Variants in DMXL2 observed in about 807,000 individuals in gnomAD.
The protein encoded by DMXL2 is dmX-like protein 2.
Under a neutral mutation model 331.1 loss-of-function variants are expected in DMXL2, and 103 were observed. That is an observed-to-expected ratio of 0.31 (90% CI 0.27 to 0.37). The LOEUF is 0.37. Among genes scored for constraint, DMXL2 ranks in the 10% least tolerant of loss-of-function variants. The probability of loss-of-function intolerance (pLI) is 1.00; values close to 1 mark genes in which losing one functional copy is unlikely to be tolerated. For synonymous variants in DMXL2, 1,281 were observed against 1,252.1 expected (o/e 1.02, Z -0.49); for missense variants, 3,171 against 3,642.9 (o/e 0.87, Z 3.33).
intron 16 of DMXL2, among the ~76,000 whole-genome samples, chr15:51,506,450 C>CTTTT (rs531570148): frequency 1.1e-4 from 13 of 121,974 alleles, no homozygotes; most frequent in South Asian, 2.6e-4. Flanking sequence ...AGCAATTCTG[C>CTTTT]TTTTTTTTTT....
intron 15 of DMXL2, among the ~76,000 whole-genome samples, chr15:51,508,242 G>A (rs1479367598): frequency 6.6e-6 from 1 of 151,962 alleles, no homozygotes; most frequent in African/African-American, 2.4e-5. Flanking sequence ...CAGGTTGATG[G>A]GTGCAGCAAA....
intron 36 of DMXL2, 70 bp downstream of exon 36, chr15:51,458,436 A>G: frequency 6.6e-7 from 1 of 1,510,490 alleles, no homozygotes; most frequent in East Asian, 2.3e-5. Context: ...AATAATTCAA[A>G]TCATGTGCAT....
Position 51,491,602 on chromosome 15 carries a change from G to A in DMXL2, c.4929C>T (p.Asn1643=). ...CCTTTTCAATGCATCTTCGAAGCGT[G>A]TTAATGTTCCTCACCCACCATCCTA... ...MGIGWWVRNI[N]TLRRCIEKVA... The change falls in exon 20 of 44, where the codon AAC becomes AAT. Residue 1643 remains asparagine (N), a synonymous_variant. Transcript: ENST00000560891. 6.2e-7 allele frequency: 1 copy of A among 1,608,636 alleles called. No individual in the cohort carries two copies. Among genetic ancestry groups the A allele is most frequent in the South Asian group, 1.1e-5 (1 of 89,438 alleles).
intron 20 of DMXL2, among the ~76,000 whole-genome samples, 158 bp downstream of exon 20, chr15:51,491,420 G>A (rs1394228081): frequency 3.3e-5 from 5 of 151,286 alleles, no homozygotes; most frequent in South Asian, 2.1e-4. Flanking sequence ...CAGCCTAGGC[G>A]ACAAGAGCGA....
At chr15:51,525,972 G>C (rs1355638521) in intron 13 of DMXL2, among the ~76,000 whole-genome samples, 2 of 151,938 alleles carry the variant, frequency 1.3e-5, no homozygotes, top group East Asian at 1.9e-4. Context: ...GCTGGGGAGT[G>C]GTTACAGCAG....
rs2048309310 is a variant in DMXL2, at chr15:51,536,741, T to C, written c.1739A>G (p.His580Arg). 1 of 1,613,938 alleles carries C rather than the reference T, an allele frequency of 6.2e-7. No homozygotes were observed. ...ATKDSHHTLL[H>R]QEGMSVGSPH... ...ACTGCCTACAGACATCCCCTCCTGGTGTAACAGCGTGTGGTGAGAATCTTT... is the reference window on the plus strand; with the variant it reads ...ACTGCCTACAGACATCCCCTCCTGGCGTAACAGCGTGTGGTGAGAATCTTT... The change falls in exon 12 of 44, where the codon CAC (histidine) becomes CGC (arginine). Residue 580 changes from histidine (H) to arginine (R), a missense_variant. By Grantham distance (29) the His-to-Arg change is conservative (BLOSUM62 0). This residue lies in a region of DMXL2 where 1,674 missense variants were observed against 1,780.2 expected (regional missense o/e 0.94). Transcript: ENST00000560891.
chr15:51,545,435 A>T, intron 8 of DMXL2, 148 bp downstream of exon 8: 1 of 542,962 alleles, frequency 1.8e-6, no homozygotes, highest in Non-Finnish European at 3.1e-6. Flanking sequence ...GGAATAAATG[A>T]GTAGTCTTAC....
chr15:51,505,408 G>A (rs1397603223), intron 16 of DMXL2, among the ~76,000 whole-genome samples: 1 of 152,150 alleles, frequency 6.6e-6, no homozygotes, highest in Non-Finnish European at 1.5e-5. Flanking sequence ...AAAATCACAT[G>A]GTTCCTGTCC....
chr15:51,460,485 A>G lies in DMXL2; in HGVS notation c.7927-825T>C, dbSNP rs543161153. On this transcript the variant is annotated intron_variant, in intron 33 of 43. Coordinates refer to ENST00000560891, the MANE Select transcript of DMXL2 (RefSeq NM_001378457.1). The stretch of plus-strand genomic sequence containing the variant: ...GAATCTATTTGTCTTAACTAGCTGA[A>G]TTCACCAATCTGTTTCCCAAAAACT... 18 of 498,654 alleles carry G rather than the reference A, an allele frequency of 3.6e-5. No individual in the cohort carries two copies. In the South Asian group the frequency reaches 1.3e-3, roughly 36 times the overall value. 30.9% of individuals were successfully genotyped at this position (498,654 alleles called of 1,614,324 possible).
rs553517353 is a variant in DMXL2 at position 51,513,858 on chromosome 15, C to T, written c.2644+584G>A. Among the ~76,000 whole-genome samples, 8 of 152,124 alleles carry T rather than the reference C, an allele frequency of 5.3e-5. No individual in the cohort carries two copies. The East Asian group carries it at 9.7e-4, about 18-fold the overall frequency. ...TTAAAAAACTTAAATAAAAGTTTAA[C>T]GTCTGAAGGGAACATTTTAAGCTAA... On this transcript the variant is annotated intron_variant, in intron 15 of 43. Transcript: ENST00000560891.
intron 6 of DMXL2, among the ~76,000 whole-genome samples, chr15:51,551,004 T>C (rs1340952409): frequency 1.3e-5 from 2 of 151,998 alleles, no homozygotes; most frequent in Admixed American, 6.6e-5. Context: ...AACCCTGTCA[T>C]GTGTAGCAGA....
rs185240212 is a variant in DMXL2 at position 51,525,158 on chromosome 15, T to C, written c.2437-7991A>G. 3.9e-5 allele frequency among the ~76,000 whole-genome samples: 6 copies of C among 151,962 alleles called. No individual in the cohort carries two copies. In the East Asian group the frequency reaches 1.2e-3, roughly 30 times the overall value. ...AGACACACCCTGGGCCAGAAAGGAA[T>C]CCACTGCCATGAGGGGAAAGACCCC... is the stretch of plus-strand genomic sequence containing the variant. On this transcript the variant is annotated intron_variant, in intron 13 of 43. Transcript: ENST00000560891.
At chr15:51,486,581 TATC>T (rs1214072513) in intron 22 of DMXL2, among the ~76,000 whole-genome samples, 1 of 152,194 alleles carries the variant, frequency 6.6e-6, no homozygotes, top group Non-Finnish European at 1.5e-5. Context: ...AGTATATTAA[TATC>T]ATCTCAGACT....
At chr15:51,524,271 G>A (rs1273691083) in intron 13 of DMXL2, among the ~76,000 whole-genome samples, 1 of 152,176 alleles carries the variant, frequency 6.6e-6, no homozygotes, top group Non-Finnish European at 1.5e-5. Flanking sequence ...TCTCCTCTAG[G>A]TTTGTTAATT....
At chr15:51,621,976 C>CCCTA (rs2054661539) in intron 1 of DMXL2, among the ~76,000 whole-genome samples, 1 of 152,198 alleles carries the variant, frequency 6.6e-6, no homozygotes, top group African/African-American at 2.4e-5. Flanking sequence ...CTCCTCGCTG[C>CCCTA]CCTAGCACAG....
chr15:51,528,392 T>C (rs1025857126), intron 13 of DMXL2, among the ~76,000 whole-genome samples: 1 of 152,074 alleles, frequency 6.6e-6, no homozygotes, highest in African/African-American at 2.4e-5. Context: ...AGATATTCCA[T>C]GCCAATGGAA....
At chr15:51,455,262 C>T in intron 39 of DMXL2, 34 bp from the exon 40 acceptor site, 1 of 1,547,392 alleles carries the variant, frequency 6.5e-7, no homozygotes, top group Non-Finnish European at 8.9e-7. Context: ...AACACATGTT[C>T]TTAGCATCCA....
chr15:51,608,184 C>CA (rs11402503), intron 1 of DMXL2, among the ~76,000 whole-genome samples: 71,286 of 148,336 alleles, frequency 0.48, 17,179 homozygotes, highest in Non-Finnish European at 0.52. Flanking sequence ...GACTCAGTCT[C>CA]AAAAAAAAAA....
chr15:51,569,528 A>C (rs2050520333), intron 2 of DMXL2, among the ~76,000 whole-genome samples: 1 of 152,178 alleles, frequency 6.6e-6, no homozygotes, highest in South Asian at 2.1e-4. Context: ...CCGTGTACCC[A>C]GACTGGAGAC....
Sources: allele counts gnomAD v4.1 joint callset (sites outside exome capture counted in the v4.1 genomes callset), GRCh38; gene constraint gnomAD v4.1.1; regional missense constraint gnomAD v4.1.1; transcripts MANE v1.5; gene names NCBI Gene and HGNC (gene_info 2026-07-23, HGNC 2026-07-21).